Variants in ULBP1 observed in about 807,000 individuals in gnomAD.
The protein encoded by ULBP1 is UL16-binding protein 1.
A neutral mutation model predicts 25.3 loss-of-function variants in ULBP1; 28 were observed. The observed-to-expected ratio is 1.10, with a 90% CI of 0.82 to 1.51. ULBP1 has a LOEUF of 1.51. Among genes scored for constraint, ULBP1 ranks in the 40% most tolerant of loss-of-function variants. The probability of loss-of-function intolerance (pLI) is 0.00; values close to 1 mark genes in which losing one functional copy is unlikely to be tolerated. For missense variants in ULBP1, 348 were observed against 290.9 expected (o/e 1.20, Z -1.43); for synonymous variants, 129 against 103.0 (o/e 1.25, Z -1.53).
chr6:149,967,836 A>G (rs1779230500), intron 1 of ULBP1, among the ~76,000 whole-genome samples: 1 of 152,146 alleles, frequency 6.6e-6, no homozygotes, highest in Non-Finnish European at 1.5e-5. Flanking sequence ...GCCTTCAGCA[A>G]CAGGCATTCC....
intron 4 of ULBP1, among the ~76,000 whole-genome samples, chr6:149,970,793 C>T (rs1779300320): frequency 6.6e-6 from 1 of 152,276 alleles, no homozygotes; most frequent in African/African-American, 2.4e-5. Context: ...CTGCCTCCTT[C>T]ATACTCCAGA....
chr6:149,969,164 C>T lies in ULBP1; in HGVS notation c.429C>T (p.Phe143=), dbSNP rs764758221. The change falls in exon 3 of 5, where the codon TTC becomes TTT. Residue 143 remains phenylalanine, a synonymous_variant. Transcript: ENST00000229708. The part of the protein sequence containing the change: ...GHGRGSWQFL[F]NGQKFLLFDS... The stretch of plus-strand genomic sequence containing the variant: ...GCAGAGGATCTTGGCAGTTCCTCTT[C>T]AATGGACAGAAGTTCCTCCTCTTTG... 4.3e-6 allele frequency: 7 copies of T among 1,614,096 alleles called. No individual in the cohort carries two copies. The highest frequency in any genetic ancestry group is 4.2e-6 in the Non-Finnish European group (5 of 1,180,052).
chr6:149,968,556 C>T lies in ULBP1; in HGVS notation c.86-51C>T, dbSNP rs764135259. On this transcript the variant is annotated intron_variant, in intron 1 of 4. Transcript: ENST00000229708. Reference sequence around the variant, plus strand: ...TCACCATAAGTGGGAGGAGGGGATACAGGTTCCATTTCCCCCCACACCAAC... The same window carrying T: ...TCACCATAAGTGGGAGGAGGGGATATAGGTTCCATTTCCCCCCACACCAAC... The T allele has an allele frequency of 3.1e-5, 49 of 1,566,712 alleles. No individual in the cohort carries two copies. In the Middle Eastern group the frequency reaches 6.8e-4, roughly 22 times the overall value.
intron 1 of ULBP1, among the ~76,000 whole-genome samples, 153 bp from the exon 2 acceptor site, chr6:149,968,454 A>G (rs773218299): frequency 8.5e-5 from 13 of 152,220 alleles, no homozygotes; most frequent in Non-Finnish European, 7.3e-5. Flanking sequence ...TCTAGTCATT[A>G]ACTAGTTTTC....
chr6:149,969,582 C>T (rs189842496), intron 3 of ULBP1, among the ~76,000 whole-genome samples: 22 of 152,220 alleles, frequency 1.4e-4, no homozygotes, highest in South Asian at 4.2e-4. Flanking sequence ...CTCTACCCAC[C>T]GCATTTCTCA....
chr6:149,967,881 G>A (rs1204170479), intron 1 of ULBP1, among the ~76,000 whole-genome samples: 1 of 152,120 alleles, frequency 6.6e-6, no homozygotes, highest in Non-Finnish European at 1.5e-5. Context: ...TTCTCCTGGG[G>A]CCTTCTTTAT....
At chr6:149,969,986 A>T (rs1582827540) in intron 3 of ULBP1, 30 bp from the exon 4 acceptor site, 1 of 1,592,284 alleles carries the variant, frequency 6.3e-7, no homozygotes, top group East Asian at 2.3e-5. Context: ...AGCCTGGACA[A>T]GGGTTGTCAC....
At chr6:149,964,634 G>A (rs934232834) in intron 1 of ULBP1, among the ~76,000 whole-genome samples, 6 of 143,976 alleles carry the variant, frequency 4.2e-5, no homozygotes, top group African/African-American at 1.3e-4. Flanking sequence ...CGAACATCGC[G>A]ATCTCGCCGA....
rs1485775346 is a variant in ULBP1, at chr6:149,972,801, A to T, written c.*1455A>T. 6.6e-6 allele frequency: 1 copy of T among 152,090 alleles called. No individual in the cohort carries two copies. Among genetic ancestry groups the T allele is most frequent in the Non-Finnish European group, 1.5e-5 (1 of 68,040 alleles). 9.4% of individuals were successfully genotyped at this position (152,090 alleles called of 1,614,324 possible). On this transcript the variant is annotated 3_prime_UTR_variant, in exon 5 of 5. Transcript: ENST00000229708. ...ATAAGTGCAAATCAAAACTGCAATG[A>T]GTTACCATCTCTTACCAGTCACAAA... is the stretch of plus-strand genomic sequence containing the variant.
rs1439889077 is a variant in ULBP1, at chr6:149,969,084, G to A, written c.350-1G>A. 1.2e-6 allele frequency: 2 copies of A among 1,614,018 alleles called. No individual in the cohort carries two copies. The highest frequency in any genetic ancestry group is 2.2e-5 in the South Asian group (2 of 91,058). On this transcript the variant is annotated splice_acceptor_variant, in intron 2 of 4. Coordinates refer to ENST00000229708, the MANE Select transcript of ULBP1 (RefSeq NM_025218.4). LOFTEE classifies it high-confidence loss of function. ...GAGCTGATCTCTTTGCAATGGGGCAGAGCCCCTCACCCTGCAGGCCAGGAT... is the reference window on the plus strand; with the variant it reads ...GAGCTGATCTCTTTGCAATGGGGCAAAGCCCCTCACCCTGCAGGCCAGGAT...
chr6:149,966,019 G>C (rs1035914540), intron 1 of ULBP1, among the ~76,000 whole-genome samples: 1 of 152,064 alleles, frequency 6.6e-6, no homozygotes, highest in African/African-American at 2.4e-5. Flanking sequence ...GGGAGCGCCG[G>C]TGAGTAGAGG....
intron 1 of ULBP1, among the ~76,000 whole-genome samples, chr6:149,968,224 C>T (rs1226290395): frequency 6.6e-6 from 1 of 152,210 alleles, no homozygotes; most frequent in East Asian, 1.9e-4. Context: ...CATCCCAGGG[C>T]AGCTCCCACA....
rs1779325843 is a variant in ULBP1, at chr6:149,971,931, A to C, written c.*585A>C. 1 of 152,170 alleles carries C rather than the reference A, an allele frequency of 6.6e-6. No homozygotes were observed. The highest frequency in any genetic ancestry group is 2.4e-5 in the African/African-American group (1 of 41,446). 9.4% of individuals were successfully genotyped at this position (152,170 alleles called of 1,614,324 possible). ...AGCTCCTGGGCTCAAGTGATCCTCT[A>C]GACTCAGCCTCTAGAATAGCTGGGA... On this transcript the variant is annotated 3_prime_UTR_variant, in exon 5 of 5. Coordinates refer to ENST00000229708, the MANE Select transcript of ULBP1 (RefSeq NM_025218.4).
Position 149,970,426 on chromosome 6 carries a change from G to T in ULBP1, c.*22+279G>T, listed in dbSNP as rs146491925. On this transcript the variant is annotated intron_variant, in intron 4 of 4. Transcript: ENST00000229708. ...GTTTAACCAATTCAGGCCTGTTTCA[G>T]AGCAGGTTCCTATTCGGGATGGTGT... Among the ~76,000 whole-genome samples, 3 of 152,324 alleles carry T rather than the reference G, an allele frequency of 2.0e-5. No homozygotes were observed. The East Asian group carries it at 5.8e-4, about 29-fold the overall frequency.
At position 149,966,983 on chromosome 6, in the gene ULBP1, CT is replaced by C. The variant is rs1302023935; in HGVS notation, c.86-1623del. ...TGTATTGGTAGGTCCAGCGTCACCC[CT>C]CATCACAGGGTGTGTATGGCTGCAT... On this transcript the variant is annotated intron_variant, in intron 1 of 4. Transcript: ENST00000229708. Among the ~76,000 whole-genome samples, 8 of 152,326 alleles carry C rather than the reference CT, an allele frequency of 5.3e-5. No individual in the cohort carries two copies. The South Asian group carries it at 1.0e-3, about 20-fold the overall frequency.
intron 1 of ULBP1, among the ~76,000 whole-genome samples, chr6:149,965,373 G>A (rs545023182): frequency 2.6e-5 from 4 of 152,304 alleles, no homozygotes; most frequent in East Asian, 1.9e-4. Flanking sequence ...CCTTTCCGCC[G>A]AGTCCGCTTC....
intron 3 of ULBP1, 84 bp downstream of exon 3, chr6:149,969,444 T>C: frequency 6.4e-7 from 1 of 1,552,010 alleles, no homozygotes; most frequent in Admixed American, 1.8e-5. Flanking sequence ...TGTGTGTGTG[T>C]GTTTGAGTGA....
chr6:149,967,076 T>A lies in ULBP1; in HGVS notation c.86-1531T>A, dbSNP rs530265727. On this transcript the variant is annotated intron_variant, in intron 1 of 4. Coordinates refer to ENST00000229708, the MANE Select transcript of ULBP1 (RefSeq NM_025218.4). Reference sequence around the variant, plus strand: ...ATATGACCAGCACAACCTATAATAGTTACTACATTAACTACAAACACTATC... The same window carrying A: ...ATATGACCAGCACAACCTATAATAGATACTACATTAACTACAAACACTATC... 1.6e-4 allele frequency among the ~76,000 whole-genome samples: 24 copies of A among 152,296 alleles called. No homozygotes were observed. The East Asian group carries it at 2.7e-3, about 17-fold the overall frequency.
chr6:149,965,243 C>CCTCCCCGAACATCGCGGT (rs1311299545), intron 1 of ULBP1, among the ~76,000 whole-genome samples: 5 of 107,228 alleles, frequency 4.7e-5, no homozygotes, highest in Non-Finnish European at 7.1e-5. Flanking sequence ...AACATCGCGG[C>CCTCCCCGAACATCGCGGT]CTCCCCGAAC....
Sources: allele counts gnomAD v4.1 joint callset (sites outside exome capture counted in the v4.1 genomes callset), GRCh38; gene constraint gnomAD v4.1.1; transcripts MANE v1.5; gene names NCBI Gene and HGNC (gene_info 2026-07-23, HGNC 2026-07-21).